IL4I1: variants seen among roughly 807,000 people sequenced by gnomAD.
IL4I1 encodes the protein L-amino-acid oxidase.
IL4I1 carries 24 observed loss-of-function variants against 29.7 expected under a neutral mutation model. That is an observed-to-expected ratio of 0.81 (90% CI 0.59 to 1.14). IL4I1 has a LOEUF of 1.14. IL4I1 is among the 50% of genes most tolerant of loss of function. The pLI, the probability that IL4I1 is intolerant of heterozygous loss-of-function variation, is 0.00. For synonymous variants in IL4I1, 371 were observed against 352.5 expected (o/e 1.05, Z -0.59); for missense variants, 686 against 785.6 (o/e 0.87, Z 1.52).
At chr19:49,925,193 AGAGGTTGCGGTGAGCC>A (rs1424587378) in intron 2 of IL4I1, among the ~76,000 whole-genome samples, 1 of 152,136 alleles carries the variant, frequency 6.6e-6, no homozygotes, top group Non-Finnish European at 1.5e-5. Flanking sequence ...CCCAGGAGGC[AGAGGTTGCGGTGAGCC>A]GAGATGGCAC....
Position 49,890,956 on chromosome 19 carries a change from A to T in IL4I1, c.773+15T>A. ...CCCCCGCCCCCCCCCCCTGCCCGCC[A>T]GCCCCGCCCCTTACTGGAGTCTGTC... is the stretch of plus-strand genomic sequence containing the variant. On this transcript the variant is annotated intron_variant, in intron 7 of 7. Coordinates refer to ENST00000391826, the MANE Select transcript of IL4I1 (RefSeq NM_152899.2). 1 of 205,344 alleles carries T rather than the reference A, an allele frequency of 4.9e-6. No homozygotes were observed. Among genetic ancestry groups the T allele is most frequent in the Non-Finnish European group, 7.5e-6 (1 of 132,534 alleles). 12.7% of individuals were successfully genotyped at this position (205,344 alleles called of 1,614,324 possible).
intron 3 of IL4I1, chr19:49,901,957 G>T: frequency 2.9e-6 from 1 of 343,144 alleles, no homozygotes; most frequent in Non-Finnish European, 5.3e-6. Flanking sequence ...CACCCTCCCC[G>T]CCCTCTCACT....
At chr19:49,903,927 C>T in intron 3 of IL4I1, among the ~76,000 whole-genome samples, 1 of 138,882 alleles carries the variant, frequency 7.2e-6, no homozygotes. Flanking sequence ...GCAATGTCTG[C>T]CTCCCAGGTT....
At position 49,896,827 on chromosome 19, in the gene IL4I1, G is replaced by C; in HGVS notation, c.-23+8C>G. On this transcript the variant is annotated splice_region_variant and intron_variant, in intron 1 of 7. Transcript: ENST00000391826. ...TCTCTGTCCCCCCACCACTGGCCGT[G>C]TCACTACCTCCAGCTCTTGGTGACA... The C allele has an allele frequency of 1.0e-6, 1 of 986,624 alleles. No individual in the cohort carries two copies. The highest frequency in any genetic ancestry group is 1.2e-6 in the Non-Finnish European group (1 of 830,690). The allele number at this position is 986,624 out of a possible 1,614,324, so 61.1% of individuals were successfully genotyped here. A position where few individuals can be genotyped will look rare whatever the true frequency, so the allele number is the denominator to read the frequency against.
chr19:49,908,629 G>A (rs774669872), intron 2 of IL4I1: 3 of 1,613,282 alleles, frequency 1.9e-6, no homozygotes, highest in South Asian at 2.2e-5. Flanking sequence ...GGATGAAGTC[G>A]AGCTCCTGGT....
chr19:49,917,086 G>A (rs1267798530), intron 2 of IL4I1, among the ~76,000 whole-genome samples: 7 of 152,266 alleles, frequency 4.6e-5, no homozygotes, highest in Non-Finnish European at 7.3e-5. Flanking sequence ...CGTTATTTCA[G>A]ATTTGGGGGA....
chr19:49,914,671 G>A (rs975698069), intron 2 of IL4I1, among the ~76,000 whole-genome samples: 1 of 148,516 alleles, frequency 6.7e-6, no homozygotes, highest in Non-Finnish European at 1.5e-5. Context: ...CCCAGCCTTC[G>A]GTCAGCTCTA....
At chr19:49,910,512 C>T (rs941303726) in intron 2 of IL4I1, among the ~76,000 whole-genome samples, 3 of 152,160 alleles carry the variant, frequency 2.0e-5, no homozygotes, top group Non-Finnish European at 2.9e-5. Flanking sequence ...CCCCTGGCTG[C>T]AGTGATTGGC....
At chr19:49,903,281 C>T (rs59420876) in intron 3 of IL4I1, among the ~76,000 whole-genome samples, 1,906 of 152,304 alleles carry the variant, frequency 0.013, 30 homozygotes, top group African/African-American at 0.038. Flanking sequence ...GGCTAGTCCC[C>T]ATCACGGCAG....
intron 2 of IL4I1, among the ~76,000 whole-genome samples, chr19:49,915,044 A>T (rs191343272): frequency 6.6e-6 from 1 of 151,724 alleles, no homozygotes; most frequent in East Asian, 1.9e-4. Context: ...CCGGCCCCCA[A>T]CCCCTTTCCT....
upstream of IL4I1, among the ~76,000 whole-genome samples, chr19:49,898,009 G>A (rs947530099): frequency 4.6e-5 from 7 of 152,192 alleles, no homozygotes; most frequent in South Asian, 2.1e-4. Flanking sequence ...TTCAGGGACC[G>A]AAAGAGCTTG....
chr19:49,895,698 T>TGCCCCCCCCACCCCCCCCCCC, intron 3 of IL4I1, 117 bp downstream of exon 3: 1 of 705,418 alleles, frequency 1.4e-6, no homozygotes. Flanking sequence ...AGATAGCCTC[T>TGCCCCCCCCACCCCCCCCCCC]CCCCCCACAT....
upstream of IL4I1, among the ~76,000 whole-genome samples, chr19:49,898,194 G>A (rs1227711995): frequency 6.6e-6 from 1 of 152,240 alleles, no homozygotes; most frequent in Admixed American, 6.5e-5. Context: ...GGTGGCATAC[G>A]CCTGTAGTCC....
chr19:49,898,775 A>T (rs2075243454), upstream of IL4I1, among the ~76,000 whole-genome samples: 1 of 152,214 alleles, frequency 6.6e-6, no homozygotes, highest in Non-Finnish European at 1.5e-5. Flanking sequence ...ACACTGAGGC[A>T]GGAGAATCGC....
upstream of IL4I1, among the ~76,000 whole-genome samples, chr19:49,898,680 C>T (rs1374895280): frequency 1.3e-5 from 2 of 152,072 alleles, no homozygotes; most frequent in African/African-American, 4.8e-5. Flanking sequence ...CCAACCTGGC[C>T]AAAATGATGA....
At chr19:49,914,529 AAAC>A (rs2075568232) in intron 2 of IL4I1, among the ~76,000 whole-genome samples, 1 of 152,072 alleles carries the variant, frequency 6.6e-6, no homozygotes, top group Admixed American at 6.6e-5. Context: ...CTTGAGTTTC[AAAC>A]AACACGGCCG....
chr19:49,919,563 T>C (rs2075714010), intron 2 of IL4I1, among the ~76,000 whole-genome samples: 1 of 152,184 alleles, frequency 6.6e-6, no homozygotes, highest in African/African-American at 2.4e-5. Flanking sequence ...AAATGATTTG[T>C]GGATTCACTG....
chr19:49,898,325 A>C (rs1188059072), upstream of IL4I1, among the ~76,000 whole-genome samples: 1 of 151,998 alleles, frequency 6.6e-6, no homozygotes, highest in African/African-American at 2.4e-5. Context: ...CATCTCAAAA[A>C]ATAAAAAATA....
chr19:49,919,277 C>T (rs556683226), intron 2 of IL4I1, among the ~76,000 whole-genome samples: 20 of 152,238 alleles, frequency 1.3e-4, no homozygotes, highest in Non-Finnish European at 2.4e-4. Context: ...GCCCTGCTCC[C>T]TGGAGACAGG....
Sources: gnomAD v4.1 joint callset for allele counts (sites outside exome capture counted in the v4.1 genomes callset) on GRCh38, gnomAD v4.1.1 for gene constraint, MANE v1.5 for transcripts, NCBI Gene and HGNC (gene_info 2026-07-23, HGNC 2026-07-21) for gene names.